RALYL: variants seen among roughly 807,000 people sequenced by gnomAD.
RALYL encodes RNA-binding Raly-like protein.
In RALYL, 29 loss-of-function variants were observed where a neutral mutation model predicts 35.1. The observed-to-expected ratio is 0.83, with a 90% CI of 0.61 to 1.13. The LOEUF (loss-of-function observed/expected upper bound fraction) is 1.13. RALYL is among the 50% of genes most tolerant of loss of function. The pLI is 0.00. For synonymous variants in RALYL, 120 were observed against 127.6 expected (o/e 0.94, Z 0.40); for missense variants, 359 against 360.4 (o/e 1.00, Z 0.03).
At chr8:84,537,194 G>A (rs1388581735) in intron 2 of RALYL, among the ~76,000 whole-genome samples, 1 of 150,206 alleles carries the variant, frequency 6.7e-6, no homozygotes, top group African/African-American at 2.4e-5. Flanking sequence ...CACGGGCCGG[G>A]CGCAGTGGCT....
chr8:84,524,237 C>T (rs1163148437), intron 1 of RALYL, among the ~76,000 whole-genome samples: 1 of 152,070 alleles, frequency 6.6e-6, no homozygotes, highest in Non-Finnish European at 1.5e-5. Flanking sequence ...CTACAATGAA[C>T]TCAAACAGAT....
At chr8:84,646,030 G>T (rs1036539998) in intron 2 of RALYL, among the ~76,000 whole-genome samples, 3 of 151,844 alleles carry the variant, frequency 2.0e-5, no homozygotes, top group African/African-American at 7.3e-5. Context: ...TTGTTTTCTG[G>T]AAAGTTTCCT....
At chr8:84,568,057 T>G (rs2061910985) in intron 2 of RALYL, among the ~76,000 whole-genome samples, 1 of 151,832 alleles carries the variant, frequency 6.6e-6, no homozygotes, top group Non-Finnish European at 1.5e-5. Context: ...TTAAATTTTA[T>G]TATTATTATA....
At chr8:84,498,708 C>G (rs1388359206) in intron 1 of RALYL, among the ~76,000 whole-genome samples, 1 of 152,102 alleles carries the variant, frequency 6.6e-6, no homozygotes, top group Non-Finnish European at 1.5e-5. Flanking sequence ...TCCTAATACA[C>G]TCTTTTAAGA....
intron 2 of RALYL, among the ~76,000 whole-genome samples, chr8:84,736,252 C>T (rs1252620042): frequency 1.3e-5 from 2 of 152,048 alleles, no homozygotes; most frequent in Non-Finnish European, 2.9e-5. Context: ...ATGGATTAAG[C>T]TTCTCTGTAA....
At chr8:84,883,869 C>A (rs1472806976) in intron 7 of RALYL, among the ~76,000 whole-genome samples, 1 of 151,962 alleles carries the variant, frequency 6.6e-6, no homozygotes, top group Non-Finnish European at 1.5e-5. Flanking sequence ...CTGTTTTGAG[C>A]CTGTTATAAC....
At chr8:84,272,672 CAT>C (rs1834563463) in intron 1 of RALYL, among the ~76,000 whole-genome samples, 1 of 152,084 alleles carries the variant, frequency 6.6e-6, no homozygotes, top group South Asian at 2.1e-4. Flanking sequence ...ATTTATCAGT[CAT>C]AATGAAATAC....
intron 1 of RALYL, among the ~76,000 whole-genome samples, chr8:84,356,398 C>A (rs1258855849): frequency 6.7e-6 from 1 of 150,334 alleles, no homozygotes; most frequent in Admixed American, 6.6e-5. Flanking sequence ...GAGGGTAGTT[C>A]CAAGACGATA....
intron 1 of RALYL, among the ~76,000 whole-genome samples, chr8:84,306,469 C>T (rs1208974611): frequency 4.6e-5 from 7 of 152,128 alleles, no homozygotes; most frequent in African/African-American, 7.2e-5. Context: ...TTCATTGGCA[C>T]ACCTCCCTGA....
intron 2 of RALYL, among the ~76,000 whole-genome samples, chr8:84,748,131 T>G (rs1809103110): frequency 6.6e-6 from 1 of 151,994 alleles, no homozygotes; most frequent in African/African-American, 2.4e-5. Flanking sequence ...TTGAATTAAT[T>G]TATTTAATCT....
chr8:84,380,003 C>T (rs1396843397), intron 1 of RALYL, among the ~76,000 whole-genome samples: 1 of 151,596 alleles, frequency 6.6e-6, no homozygotes, highest in Non-Finnish European at 1.5e-5. Context: ...TGTGTTTTAT[C>T]ACCCATCAGG....
chr8:84,340,594 T>A (rs930028000), intron 1 of RALYL, among the ~76,000 whole-genome samples: 4 of 152,136 alleles, frequency 2.6e-5, no homozygotes, highest in Non-Finnish European at 4.4e-5. Context: ...TTCATCCATG[T>A]CATCACATTT....
chr8:84,272,829 C>A (rs1834591239), intron 1 of RALYL, among the ~76,000 whole-genome samples: 1 of 152,168 alleles, frequency 6.6e-6, no homozygotes, highest in African/African-American at 2.4e-5. Flanking sequence ...TTGACATTTT[C>A]TGGAACCAGG....
At chr8:84,356,260 G>A (rs574336570) in intron 1 of RALYL, among the ~76,000 whole-genome samples, 1 of 150,352 alleles carries the variant, frequency 6.7e-6, no homozygotes, top group East Asian at 1.9e-4. Context: ...GTAATAACCA[G>A]GTTTGAAGGT....
intron 2 of RALYL, among the ~76,000 whole-genome samples, chr8:84,641,060 T>G (rs1225403508): frequency 6.6e-6 from 1 of 151,672 alleles, no homozygotes; most frequent in Non-Finnish European, 1.5e-5. Flanking sequence ...ACATAACCAG[T>G]AATTTTATTT....
chr8:84,747,774 T>C (rs1312740112), intron 2 of RALYL, among the ~76,000 whole-genome samples: 2 of 151,970 alleles, frequency 1.3e-5, no homozygotes, highest in Non-Finnish European at 2.9e-5. Flanking sequence ...TTACACATAC[T>C]TAGGAAAAGA....
chr8:84,287,983 A>G (rs1021409420), intron 1 of RALYL, among the ~76,000 whole-genome samples: 1 of 152,168 alleles, frequency 6.6e-6, no homozygotes, highest in South Asian at 2.1e-4. Context: ...GAGCTGTGCA[A>G]AGAAAGAACT....
chr8:84,555,088 G>A (rs576463997), intron 2 of RALYL, among the ~76,000 whole-genome samples: 2 of 152,124 alleles, frequency 1.3e-5, no homozygotes, highest in Admixed American at 6.5e-5. Flanking sequence ...AGACCAGCCT[G>A]ACCAACATGG....
intron 1 of RALYL, among the ~76,000 whole-genome samples, chr8:84,219,670 T>G (rs1385784034): frequency 3.3e-5 from 5 of 151,896 alleles, no homozygotes; most frequent in Non-Finnish European, 5.9e-5. Flanking sequence ...TGGATGAGAA[T>G]GCAGGGTGCA....
Sources: gnomAD v4.1 joint callset for allele counts (sites outside exome capture counted in the v4.1 genomes callset) on GRCh38, gnomAD v4.1.1 for gene constraint, MANE v1.5 for transcripts, NCBI Gene and HGNC (gene_info 2026-07-23, HGNC 2026-07-21) for gene names.